The following STRBP variants were observed in gnomAD, a reference collection of about 807,000 sequenced individuals.
STRBP encodes spermatid perinuclear RNA-binding protein.
STRBP carries 13 observed loss-of-function variants against 80.1 expected under a neutral mutation model. That is an observed-to-expected ratio of 0.16 (90% CI 0.11 to 0.26). The LOEUF is 0.26. STRBP is among the 10% of genes least tolerant of loss of function. STRBP has a pLI of 1.00. For synonymous variants in STRBP, 284 were observed against 291.2 expected (o/e 0.98, Z 0.25); for missense variants, 485 against 815.2 (o/e 0.59, Z 4.93).
At chr9:123,158,527 TGA>T (rs1491562547) in intron 9 of STRBP, 98 bp from the exon 10 acceptor site, 80 of 1,059,198 alleles carry the variant, frequency 7.6e-5, no homozygotes, top group Non-Finnish European at 1.1e-4. Context: ...GAAGAGAAAA[TGA>T]AAAAAAAAAC....
rs1453757014 is a variant in STRBP at position 123,136,113 on chromosome 9, A to C, written c.1701T>G (p.Ala567=). The change falls in exon 16 of 19, where the codon GCT becomes GCG. Residue 567 remains alanine, a synonymous_variant. Coordinates refer to ENST00000348403, the MANE Select transcript of STRBP (RefSeq NM_018387.5). The surrounding 1 kb of genome is among the most constrained non-coding windows in gnomAD (Gnocchi z 4.2). ...AAAACAGTTTCTCCAAGGCAGCTAA[A>C]GCTGCACTCGCCTTTGCCACTTTCT... The part of the protein sequence containing the change: ...PNKKVAKASA[A]LAALEKLFSG... The C allele has an allele frequency of 1.2e-6, 2 of 1,614,110 alleles. No homozygotes were observed. Among genetic ancestry groups the C allele is most frequent in the Non-Finnish European group, 1.7e-6 (2 of 1,180,040 alleles).
chr9:123,225,618 G>C (rs1330465863), intron 2 of STRBP, among the ~76,000 whole-genome samples: 1 of 152,176 alleles, frequency 6.6e-6, no homozygotes, highest in Non-Finnish European at 1.5e-5. Context: ...AAGCACAGCA[G>C]CTTCATCCAG....
chr9:123,171,487 G>A (rs2038008390), intron 5 of STRBP, among the ~76,000 whole-genome samples: 1 of 152,118 alleles, frequency 6.6e-6, no homozygotes, highest in Non-Finnish European at 1.5e-5. Flanking sequence ...AGGGCAGGAG[G>A]GGCGGAGGGT....
intron 1 of STRBP, among the ~76,000 whole-genome samples, chr9:123,266,298 C>T (rs1476295750): frequency 6.6e-6 from 1 of 152,070 alleles, no homozygotes; most frequent in Non-Finnish European, 1.5e-5. Flanking sequence ...TTACCCCTTC[C>T]CCCTTCCTCA....
Position 123,123,944 on chromosome 9 carries a change from G to A in STRBP, c.*1653C>T. 2 of 985,386 alleles carry A rather than the reference G, an allele frequency of 2.0e-6. No homozygotes were observed. Among genetic ancestry groups the A allele is most frequent in the Non-Finnish European group, 2.4e-6 (2 of 829,920 alleles). 61.0% of individuals were successfully genotyped at this position (985,386 alleles called of 1,614,324 possible). A position where few individuals can be genotyped will look rare whatever the true frequency, so the allele number is the denominator to read the frequency against. On this transcript the variant is annotated 3_prime_UTR_variant, in exon 19 of 19. Transcript: ENST00000348403. ...ATGTCTAGCCACTAATGCACAGGAT[G>A]AGAATGATAAGTTACAGCTATTTCC...
chr9:123,136,035 T>C lies in STRBP; in HGVS notation c.1773+6A>G, dbSNP rs772477221. 12 of 1,613,980 alleles carry C rather than the reference T, an allele frequency of 7.4e-6. No individual in the cohort carries two copies. The highest frequency in any genetic ancestry group is 3.3e-4 in the Middle Eastern group (2 of 6,080). On this transcript the variant is annotated splice_donor_region_variant and intron_variant, in intron 16 of 18. Coordinates refer to ENST00000348403, the MANE Select transcript of STRBP (RefSeq NM_018387.5). This position sits in a 1 kb window ranked among gnomAD's most constrained non-coding sequence, Gnocchi z 4.2. ...GGTTCTGCAAAGGTTTAATGTTTAC[T>C]CATACCTGAGGGATAATCTTCTTTT...
At chr9:123,253,210 CAG>C (rs1421928804) in intron 1 of STRBP, among the ~76,000 whole-genome samples, 7 of 152,038 alleles carry the variant, frequency 4.6e-5, no homozygotes, top group East Asian at 3.9e-4. Flanking sequence ...AAAAAAGAAA[CAG>C]ATAATTTCTA....
chr9:123,173,785 G>A lies in STRBP; in HGVS notation c.282C>T (p.Gly94=). The change falls in exon 5 of 19, where the codon GGC becomes GGT. Residue 94 remains glycine, a synonymous_variant. Transcript: ENST00000348403. ...AGTCCATATCATCTTTAATCAGCAA[G>A]CCTTTTGCAACCAGGCCAATCCTCA... The part of the protein sequence containing the change: ...GVMRIGLVAK[G]LLIKDDMDLE... 1.2e-6 allele frequency: 2 copies of A among 1,613,770 alleles called. No individual in the cohort carries two copies. The highest frequency in any genetic ancestry group is 3.3e-5 in the Admixed American group (2 of 59,984).
intron 1 of STRBP, among the ~76,000 whole-genome samples, chr9:123,238,508 G>A (rs1464121275): frequency 2.0e-5 from 3 of 152,118 alleles, no homozygotes; most frequent in African/African-American, 7.2e-5. Flanking sequence ...CATGACCTAG[G>A]GTTTAGCTAC....
chr9:123,170,955 G>T, intron 5 of STRBP, among the ~76,000 whole-genome samples: 1 of 151,896 alleles, frequency 6.6e-6, no homozygotes, highest in Non-Finnish European at 1.5e-5. Flanking sequence ...AGTCACTTAT[G>T]TAAAAATAGC....
chr9:123,152,417 A>G (rs1420606917), intron 11 of STRBP, among the ~76,000 whole-genome samples: 1 of 152,014 alleles, frequency 6.6e-6, no homozygotes, highest in South Asian at 2.1e-4. Context: ...ACACACGTGT[A>G]TATATATATG....
At chr9:123,172,806 C>A (rs2038064524) in intron 5 of STRBP, among the ~76,000 whole-genome samples, 1 of 151,606 alleles carries the variant, frequency 6.6e-6, no homozygotes, top group African/African-American at 2.4e-5. Context: ...AAAAAAAGAC[C>A]CCTTTTAAAA....
At chr9:123,219,134 TA>T (rs1235225635) in intron 2 of STRBP, among the ~76,000 whole-genome samples, 1 of 152,140 alleles carries the variant, frequency 6.6e-6, no homozygotes, top group African/African-American at 2.4e-5. Context: ...CCCTATGCCC[TA>T]AAAGACAGAG....
At position 123,115,852 on chromosome 9, in the gene STRBP, GC is replaced by G; in HGVS notation, c.*84+76del. ...CGGGAGGTGTATTTTAGCTCAAATT[GC>G]CCCACTGGCTTCCCATAATTGTCTT... On this transcript the variant is annotated intron_variant and NMD_transcript_variant, in intron 3 of 3. Transcript: ENST00000471564. This position sits in a 1 kb window ranked among gnomAD's most constrained non-coding sequence, Gnocchi z 5.0. 2.8e-6 allele frequency: 1 copy of G among 360,482 alleles called. No individual in the cohort carries two copies. 22.3% of individuals were successfully genotyped at this position (360,482 alleles called of 1,614,324 possible). A position where few individuals can be genotyped will look rare whatever the true frequency, so the allele number is the denominator to read the frequency against.
At chr9:123,149,290 G>A (rs1205295918) in intron 11 of STRBP, among the ~76,000 whole-genome samples, 1 of 152,162 alleles carries the variant, frequency 6.6e-6, no homozygotes, top group African/African-American at 2.4e-5. Flanking sequence ...TTCAACAGAA[G>A]GCAACGTTGG....
chr9:123,160,635 TAA>T (rs2037484624), intron 7 of STRBP, among the ~76,000 whole-genome samples, 173 bp from the exon 8 acceptor site: 1 of 152,144 alleles, frequency 6.6e-6, no homozygotes. Context: ...ATTTTAAAAA[TAA>T]AAGGACCATA....
At chr9:123,182,489 T>C (rs1287186336) in intron 3 of STRBP, among the ~76,000 whole-genome samples, 1 of 152,146 alleles carries the variant, frequency 6.6e-6, no homozygotes, top group Non-Finnish European at 1.5e-5. Context: ...ATCAAGACTA[T>C]AAGAAATGAG....
At chr9:123,178,716 G>GTTT in intron 4 of STRBP, among the ~76,000 whole-genome samples, 1 of 152,098 alleles carries the variant, frequency 6.6e-6, no homozygotes, top group Non-Finnish European at 1.5e-5. Flanking sequence ...AATCAACACA[G>GTTT]GAAAAAGATC....
intron 2 of STRBP, among the ~76,000 whole-genome samples, chr9:123,206,697 A>G (rs1268455238): frequency 2.6e-5 from 4 of 151,482 alleles, no homozygotes; most frequent in African/African-American, 4.9e-5. Flanking sequence ...GGAGTGCAAT[A>G]GCGCAATCTC....
Sources: allele counts gnomAD v4.1 joint callset (sites outside exome capture counted in the v4.1 genomes callset), GRCh38; gene constraint gnomAD v4.1.1; non-coding constraint Gnocchi (gnomAD v3.1); transcripts MANE v1.5; gene names NCBI Gene and HGNC (gene_info 2026-07-23, HGNC 2026-07-21).